The following PPP1R16A variants were observed in gnomAD, a reference collection of about 807,000 sequenced individuals.
PPP1R16A encodes the protein protein phosphatase 1 regulatory subunit 16A.
Under a neutral mutation model 46.6 loss-of-function variants are expected in PPP1R16A, and 39 were observed. That is an observed-to-expected ratio of 0.84 (90% confidence interval 0.65 to 1.09). PPP1R16A has a LOEUF of 1.09. Ranked by LOEUF, PPP1R16A falls within the 50% of genes least tolerant of loss-of-function variation. PPP1R16A has a pLI of 0.00. For synonymous variants in PPP1R16A, 413 were observed against 321.5 expected (o/e 1.28, Z -3.04); for missense variants, 798 against 735.6 (o/e 1.08, Z -0.98).
intron 2 of PPP1R16A, among the ~76,000 whole-genome samples, chr8:144,492,391 A>G (rs1260541235): frequency 1.4e-5 from 2 of 144,932 alleles, no homozygotes; most frequent in Admixed American, 7.2e-5. Context: ...GCTGGGGTGC[A>G]GTGGTGCGAT....
chr8:144,499,751 C>G, intron 5 of PPP1R16A: 1 of 288,240 alleles, frequency 3.5e-6, no homozygotes, highest in South Asian at 4.7e-5. Flanking sequence ...AGCTCAGCAG[C>G]CCCTCAGCGT....
At chr8:144,498,867 G>T (rs1380809595) in intron 4 of PPP1R16A, 27 bp downstream of exon 4, 1 of 1,612,278 alleles carries the variant, frequency 6.2e-7, no homozygotes, top group East Asian at 2.2e-5. Context: ...TGTGGGCAGG[G>T]TGGGGGCTGG....
At chr8:144,486,540 T>G (rs1825633811) in intron 1 of PPP1R16A, among the ~76,000 whole-genome samples, 1 of 152,214 alleles carries the variant, frequency 6.6e-6, no homozygotes. Context: ...CCTCACATCC[T>G]TGCCGTTTGG....
At chr8:144,499,335 G>A in intron 5 of PPP1R16A, 1 of 496,862 alleles carries the variant, frequency 2.0e-6, no homozygotes, top group Non-Finnish European at 3.6e-6. Flanking sequence ...ACAGAGAAAT[G>A]TCTTGGTCAG....
At position 144,500,961 on chromosome 8, in the gene PPP1R16A, G is replaced by T; in HGVS notation, c.1027G>T (p.Gly343Cys). The T allele has an allele frequency of 6.8e-7, 1 of 1,473,494 alleles. No homozygotes were observed. The highest frequency in any genetic ancestry group is 8.9e-7 in the Non-Finnish European group (1 of 1,121,258). The allele number at this position is 1,473,494 out of a possible 1,614,324, so 91.3% of individuals were successfully genotyped here. A position where few individuals can be genotyped will look rare whatever the true frequency, so the allele number is the denominator to read the frequency against. Residue 343 changes from glycine (G) to cysteine (C), a missense_variant, in exon 10 of 12, where the codon GGC becomes TGC. Transcript: ENST00000435887. Reference protein sequence around the residue: ...SLLRRRTSSAGSRGKVVRRVS... With the variant: ...SLLRRRTSSACSRGKVVRRVS... Reference sequence around the variant, plus strand: ...GCTGCGCCGCCGCACCTCCAGCGCCGGCAGCCGCGGGTGAGCGCCGCCCCC... The same window carrying T: ...GCTGCGCCGCCGCACCTCCAGCGCCTGCAGCCGCGGGTGAGCGCCGCCCCC...
Position 144,501,095 on chromosome 8 carries a change from C to T in PPP1R16A, c.1038-34C>T, listed in dbSNP as rs201113193. The T allele has an allele frequency of 1.3e-3, 2,070 of 1,603,552 alleles. 2 individuals carry two copies. Among genetic ancestry groups the T allele is most frequent in the Non-Finnish European group, 1.7e-3 (1,950 of 1,177,524 alleles). On this transcript the variant is annotated intron_variant, in intron 10 of 11. Transcript: ENST00000435887. ...TGGGCGGGGTCCTCCGGGCACTCCC[C>T]TTCCCCTCACTCCCTCTCCTCTCTC...
At chr8:144,491,560 G>A (rs576564740) in intron 2 of PPP1R16A, among the ~76,000 whole-genome samples, 82 of 152,244 alleles carry the variant, frequency 5.4e-4, no homozygotes, top group African/African-American at 1.7e-3. Context: ...TCAGGAGATC[G>A]AGACTATCCT....
At chr8:144,479,547 G>T (rs1313016984) in intron 1 of PPP1R16A, among the ~76,000 whole-genome samples, 9 of 152,128 alleles carry the variant, frequency 5.9e-5, no homozygotes, top group Admixed American at 5.9e-4. Flanking sequence ...TAGCAAGGGG[G>T]CTCCTCCTGT....
rs1196338527 is a variant in PPP1R16A, at chr8:144,500,215, C to T, written c.580+16C>T. ...GCCGACCGTGGTAGGTGCGGCGGTG[C>T]GGCTGTGGGAGGGCTGCCGGTCGCG... On this transcript the variant is annotated intron_variant, in intron 6 of 11. Coordinates refer to ENST00000435887, the MANE Select transcript of PPP1R16A (RefSeq NM_001329443.2). 11 of 1,594,952 alleles carry T rather than the reference C, an allele frequency of 6.9e-6. No individual in the cohort carries two copies. Among genetic ancestry groups the T allele is most frequent in the South Asian group, 3.4e-5 (3 of 88,526 alleles).
At chr8:144,501,428 C>G in intron 11 of PPP1R16A, 92 bp from the exon 12 acceptor site, 2 of 1,479,058 alleles carry the variant, frequency 1.4e-6, no homozygotes, top group Non-Finnish European at 1.8e-6. Flanking sequence ...CCCATCTCTC[C>G]TGTCTGTCCC....
chr8:144,500,262 C>T lies in PPP1R16A; in HGVS notation c.581-5C>T, dbSNP rs777698260. On this transcript the variant is annotated splice_polypyrimidine_tract_variant and splice_region_variant and intron_variant, in intron 6 of 11. Transcript: ENST00000435887. ...CGCGCTCCCTCTGAGCCTGCCGCCTCGCAGGCATCACCCAGGACAGCATCG... is the reference window on the plus strand; with the variant it reads ...CGCGCTCCCTCTGAGCCTGCCGCCTTGCAGGCATCACCCAGGACAGCATCG... 2.6e-6 allele frequency: 4 copies of T among 1,560,046 alleles called. No individual in the cohort carries two copies. The highest frequency in any genetic ancestry group is 1.2e-5 in the South Asian group (1 of 85,242).
rs59798065 is a variant in PPP1R16A at position 144,500,951 on chromosome 8, C to G, written c.1017C>G (p.Thr339=). 1 of 1,487,226 alleles carries G rather than the reference C, an allele frequency of 6.7e-7. No homozygotes were observed. 92.1% of individuals were successfully genotyped at this position (1,487,226 alleles called of 1,614,324 possible). A position where few individuals can be genotyped will look rare whatever the true frequency, so the allele number is the denominator to read the frequency against. The part of the protein sequence containing the change: ...SRQRSLLRRR[T]SSAGSRGKVV... Reference sequence around the variant, plus strand: ...AGCGCTCCTTGCTGCGCCGCCGCACCTCCAGCGCCGGCAGCCGCGGGTGAG... The same window carrying G: ...AGCGCTCCTTGCTGCGCCGCCGCACGTCCAGCGCCGGCAGCCGCGGGTGAG... The change falls in exon 10 of 12, where the codon ACC becomes ACG. Residue 339 remains threonine (T), a synonymous_variant. Coordinates refer to ENST00000435887, the MANE Select transcript of PPP1R16A (RefSeq NM_001329443.2).
chr8:144,501,559 G>C lies in PPP1R16A; in HGVS notation c.1243G>C (p.Val415Leu). 1 of 1,589,580 alleles carries C rather than the reference G, an allele frequency of 6.3e-7. No homozygotes were observed. The highest frequency in any genetic ancestry group is 8.6e-7 in the Non-Finnish European group (1 of 1,168,678). The change falls in exon 12 of 12, where the codon GTA becomes CTA. Residue 415 changes from valine (V) to leucine (L), a missense_variant. Transcript: ENST00000435887. ...PEVVRPHNGR[V>L]GGSPVRHLYS... is the part of the protein sequence containing the mutation. The stretch of plus-strand genomic sequence containing the variant: ...AGTGGTCAGGCCGCACAATGGCCGA[G>C]TAGGGGGCTCCCCAGTGCGGCATCT...
chr8:144,500,263 G>T lies in PPP1R16A; in HGVS notation c.581-4G>T. The T allele has an allele frequency of 6.4e-7, 1 of 1,559,574 alleles. No individual in the cohort carries two copies. On this transcript the variant is annotated splice_polypyrimidine_tract_variant and splice_region_variant and intron_variant, in intron 6 of 11. Coordinates refer to ENST00000435887, the MANE Select transcript of PPP1R16A (RefSeq NM_001329443.2). ...GCGCTCCCTCTGAGCCTGCCGCCTC[G>T]CAGGCATCACCCAGGACAGCATCGA...
chr8:144,499,832 G>A, intron 5 of PPP1R16A: 1 of 475,518 alleles, frequency 2.1e-6, no homozygotes, highest in East Asian at 3.7e-5. Context: ...TCCAATGCAT[G>A]TTTATGGGGG....
intron 1 of PPP1R16A, among the ~76,000 whole-genome samples, chr8:144,480,456 A>G (rs920631638): frequency 1.3e-5 from 2 of 151,692 alleles, no homozygotes; most frequent in Non-Finnish European, 2.9e-5. Flanking sequence ...CTGGGATTAC[A>G]GGCACATGCT....
intron 1 of PPP1R16A, among the ~76,000 whole-genome samples, chr8:144,484,658 G>GC (rs1248635515): frequency 6.6e-6 from 1 of 152,214 alleles, no homozygotes; most frequent in Non-Finnish European, 1.5e-5. Context: ...AGAGGGAGAT[G>GC]CAACGCTTCC....
chr8:144,487,880 G>A (rs549182865), intron 1 of PPP1R16A, among the ~76,000 whole-genome samples: 2 of 152,212 alleles, frequency 1.3e-5, no homozygotes, highest in Non-Finnish European at 2.9e-5. Flanking sequence ...CACACTGTTG[G>A]GGTTTTGATT....
At position 144,500,546 on chromosome 8, in the gene PPP1R16A, A is replaced by G; in HGVS notation, c.765A>G (p.Arg255=). ...CGGCTGCCCTGCTGCTGGAACACCG[A>G]GCCAGCCTGAGCGCTAAGGACCAAG... ...SEAAALLLEH[R]ASLSAKDQDG... Residue 255 remains arginine (R), a synonymous_variant, in exon 8 of 12, where the codon CGA becomes CGG. Coordinates refer to ENST00000435887, the MANE Select transcript of PPP1R16A (RefSeq NM_001329443.2). The G allele has an allele frequency of 1.3e-6, 2 of 1,596,456 alleles. No homozygotes were observed. Among genetic ancestry groups the G allele is most frequent in the Non-Finnish European group, 1.7e-6 (2 of 1,178,780 alleles).
Sources: gnomAD v4.1 joint callset for allele counts (sites outside exome capture counted in the v4.1 genomes callset) on GRCh38, gnomAD v4.1.1 for gene constraint, MANE v1.5 for transcripts, NCBI Gene and HGNC (gene_info 2026-07-23, HGNC 2026-07-21) for gene names.